The following WIZ variants were observed in gnomAD, a reference collection of about 807,000 sequenced individuals.
WIZ encodes the protein WIZ zinc finger, also known as protein Wiz.
Under a neutral mutation model 140.2 loss-of-function variants are expected in WIZ, and 25 were observed. The observed-to-expected ratio is 0.18, with a 90% CI of 0.13 to 0.25. The LOEUF is 0.25. Ranked by LOEUF, WIZ falls within the 10% of genes least tolerant of loss-of-function variation. The probability of loss-of-function intolerance (pLI) is 1.00; values close to 1 mark genes in which losing one functional copy is unlikely to be tolerated. For missense variants in WIZ, 2,231 were observed against 2,632.6 expected, an observed-to-expected ratio of 0.85 and a Z score of 3.34; for synonymous variants, 1,125 against 1,154.3, an observed-to-expected ratio of 0.97 and a Z score of 0.51.
At chr19:15,437,728 T>C (rs1969568659) in intron 4 of WIZ, among the ~76,000 whole-genome samples, 4 of 152,240 alleles carry the variant, frequency 2.6e-5, no homozygotes, top group Admixed American at 2.6e-4. Flanking sequence ...GAGTATTTGA[T>C]TAATAGCCTT....
chr19:15,446,228 G>T (rs997035385), intron 2 of WIZ, among the ~76,000 whole-genome samples: 1 of 152,096 alleles, frequency 6.6e-6, no homozygotes, highest in Non-Finnish European at 1.5e-5. Context: ...TGGGAGTGAG[G>T]ATGCACCTAC....
rs1421865708 is a variant in WIZ, at chr19:15,442,101, C to T, written c.278+575G>A. Among the ~76,000 whole-genome samples the T allele has an allele frequency of 1.3e-5, 2 of 151,660 alleles. No individual in the cohort carries two copies. Among genetic ancestry groups the T allele is most frequent in the South Asian group, 2.1e-4 (1 of 4,814 alleles). On this transcript the variant is annotated intron_variant, in intron 3 of 12. Coordinates refer to ENST00000673675, the MANE Select transcript of WIZ (RefSeq NM_001371589.1). The surrounding 1 kb of genome is among the most constrained non-coding windows in gnomAD (Gnocchi z 5.5). ...ACTGGGGAAGCTGAGGCAGGAGAAT[C>T]GCTTGAACCCAGGAGGTGGAGGTTG...
chr19:15,440,587 C>G lies in WIZ; in HGVS notation c.407G>C (p.Gly136Ala). Reference protein sequence around the residue: ...EHPLVQEAGEGILSERRFEDS... With the variant: ...EHPLVQEAGEAILSERRFEDS... ...CTCGAATCTCCGCTCAGATAGGATG[C>G]CCTCCCCAGCCTCCTGGACAAGGGG... The change falls in exon 4 of 13, where the codon GGC becomes GCC. Residue 136 changes from glycine (G) to alanine (A), a missense_variant. Gly to Ala is a moderately conservative substitution (Grantham distance 60). Transcript: ENST00000673675. The surrounding 1 kb of genome is among the most constrained non-coding windows in gnomAD (Gnocchi z 6.2). The G allele has an allele frequency of 6.5e-7, 1 of 1,536,148 alleles. No homozygotes were observed. Among genetic ancestry groups the G allele is most frequent in the Non-Finnish European group, 8.7e-7 (1 of 1,146,884 alleles).
Position 15,420,597 on chromosome 19 carries a change from G to A in WIZ, c.*2479C>T, listed in dbSNP as rs767405694. ...CCTCAGAGACCACGGCTCAAAAGCT[G>A]AGACTTTGCTGCCTGAGGTGTATTG... On this transcript the variant is annotated 3_prime_UTR_variant, in exon 13 of 13. Coordinates refer to ENST00000673675, the MANE Select transcript of WIZ (RefSeq NM_001371589.1). 4.6e-5 allele frequency: 7 copies of A among 152,214 alleles called. No homozygotes were observed. Among genetic ancestry groups the A allele is most frequent in the Non-Finnish European group, 7.3e-5 (5 of 68,052 alleles). 9.4% of individuals were successfully genotyped at this position (152,214 alleles called of 1,614,324 possible).
At position 15,439,120 on chromosome 19, in the gene WIZ, T is replaced by G. The variant is rs542861356; in HGVS notation, c.1874A>C (p.Asp625Ala). 6 of 1,402,130 alleles carry G rather than the reference T, an allele frequency of 4.3e-6. No homozygotes were observed. The highest frequency in any genetic ancestry group is 2.9e-5 in the African/African-American group (2 of 68,314). 86.9% of individuals were successfully genotyped at this position (1,402,130 alleles called of 1,614,324 possible). The change falls in exon 4 of 13, where the codon GAT becomes GCT. Residue 625 changes from aspartate (D) to alanine (A), a missense_variant. Asp to Ala is a moderately radical substitution (Grantham distance 126). Transcript: ENST00000673675. The surrounding 1 kb of genome is among the most constrained non-coding windows in gnomAD (Gnocchi z 7.0). ...ATCCATCTCGGAGGTCAGCACTACA[T>G]CCTCCTCCTCCTCCTCCTCCTCCTC... ...EEEEEEEEEE[D>A]VVLTSEMDFS... is the part of the protein sequence containing the mutation.
In WIZ at chr19:15,424,281, T is replaced by G. The variant is rs1174018678; in HGVS notation, c.5412A>C (p.Gln1804His). ...DLQQKLEEVR[Q>H]PPPRVRPVPS... ...GGACTGGCCGGACTCGGGGTGGGGG[T>G]TGCCGCACCTCCTCCAGCTTCTGCT... The change falls in exon 12 of 13, where the codon CAA becomes CAC. Residue 1804 changes from glutamine to histidine, a missense_variant. Coordinates refer to ENST00000673675, the MANE Select transcript of WIZ (RefSeq NM_001371589.1). The surrounding 1 kb of genome is among the most constrained non-coding windows in gnomAD (Gnocchi z 9.7). The G allele has an allele frequency of 6.3e-7, 1 of 1,589,188 alleles. No homozygotes were observed. Among genetic ancestry groups the G allele is most frequent in the Non-Finnish European group, 8.5e-7 (1 of 1,170,822 alleles).
intron 3 of WIZ, among the ~76,000 whole-genome samples, chr19:15,441,547 A>G (rs1969746101): frequency 6.6e-6 from 1 of 152,200 alleles, no homozygotes; most frequent in African/African-American, 2.4e-5. Flanking sequence ...TCAGTGCTTG[A>G]GAAATGCTTT....
rs994694353 is a variant in WIZ, at chr19:15,428,683, C to G, written c.3416-175G>C. Among the ~76,000 whole-genome samples the G allele has an allele frequency of 6.6e-6, 1 of 152,172 alleles. No homozygotes were observed. The highest frequency in any genetic ancestry group is 2.4e-5 in the African/African-American group (1 of 41,430). Reference sequence around the variant, plus strand: ...GCAGGACATCCTGTTTCCTGCCTAGCCCTTTGGCATCGAGGGGAGTGTAGA... The same window carrying G: ...GCAGGACATCCTGTTTCCTGCCTAGGCCTTTGGCATCGAGGGGAGTGTAGA... On this transcript the variant is annotated intron_variant, in intron 7 of 12. Transcript: ENST00000673675. The surrounding 1 kb of genome is among the most constrained non-coding windows in gnomAD (Gnocchi z 6.4).
intron 5 of WIZ, 71 bp downstream of exon 5, chr19:15,436,735 G>C: frequency 1.4e-6 from 2 of 1,428,960 alleles, no homozygotes. Flanking sequence ...TGCCCCTCCA[G>C]CCCCGCCCCT....
At chr19:15,444,042 A>G (rs1017285917) in intron 2 of WIZ, among the ~76,000 whole-genome samples, 3 of 152,208 alleles carry the variant, frequency 2.0e-5, no homozygotes, top group Non-Finnish European at 4.4e-5. Flanking sequence ...ATCGGGGAGC[A>G]GGCCAATTGC....
Position 15,437,029 on chromosome 19 carries a change from G to C in WIZ, c.2517C>G (p.His839Gln). 1 of 1,613,864 alleles carries C rather than the reference G, an allele frequency of 6.2e-7. No homozygotes were observed. Among genetic ancestry groups the C allele is most frequent in the South Asian group, 1.1e-5 (1 of 91,054 alleles). Residue 839 changes from histidine to glutamine, a missense_variant, in exon 5 of 13, where the codon CAC (histidine) becomes CAG (glutamine). Coordinates refer to ENST00000673675, the MANE Select transcript of WIZ (RefSeq NM_001371589.1). ...AGTTGGTGATACCGAAGTCACGTAG[G>C]TGGGCCCGGGCGTGGCTGGAGAGGC... is the stretch of plus-strand genomic sequence containing the variant. ...RAGLSSHARAHLRDFGITNWE... is the reference protein window; with the variant it reads ...RAGLSSHARAQLRDFGITNWE...
chr19:15,448,040 T>A, intron 2 of WIZ, 63 bp downstream of exon 2: 1 of 1,583,180 alleles, frequency 6.3e-7, no homozygotes, highest in Non-Finnish European at 8.6e-7. Flanking sequence ...GTGACTTGAC[T>A]CTCTCTGAGC....
At position 15,425,511 on chromosome 19, in the gene WIZ, G is replaced by C. The variant is rs1467158865; in HGVS notation, c.4624C>G (p.Pro1542Ala). ...LAEDGPPTVA[P>A]GPVQSPLPLS... ...GGCAGTGGGGACTGCACGGGCCCAGGGGCCACGGTGGGAGGCCCGTCCTCA... is the reference window on the plus strand; with the variant it reads ...GGCAGTGGGGACTGCACGGGCCCAGCGGCCACGGTGGGAGGCCCGTCCTCA... The change falls in exon 10 of 13, where the codon CCT (proline) becomes GCT (alanine). Residue 1542 changes from proline (P) to alanine (A), a missense_variant. Coordinates refer to ENST00000673675, the MANE Select transcript of WIZ (RefSeq NM_001371589.1). 1 of 1,610,738 alleles carries C rather than the reference G, an allele frequency of 6.2e-7. No individual in the cohort carries two copies. The highest frequency in any genetic ancestry group is 1.3e-5 in the African/African-American group (1 of 74,834).
intron 5 of WIZ, chr19:15,432,498 CGGCGGT>C (rs1187158699): frequency 3.0e-5 from 27 of 893,840 alleles, no homozygotes; most frequent in South Asian, 2.6e-4. Flanking sequence ...CGTCCCGCGG[CGGCGGT>C]GGCGGTGGCG....
intron 4 of WIZ, 27 bp downstream of exon 4, chr19:15,438,551 G>A: frequency 6.8e-7 from 1 of 1,475,580 alleles, no homozygotes. Flanking sequence ...TGTGTCTCCT[G>A]GGCCTTTAAA....
Position 15,424,720 on chromosome 19 carries a change from T to C in WIZ, c.5207A>G (p.Glu1736Gly), listed in dbSNP as rs1599646050. Residue 1736 changes from glutamate (E) to glycine (G), a missense_variant, in exon 11 of 13, where the codon GAG (glutamate) becomes GGG (glycine). Around this residue, in one of 15 missense-constraint regions of WIZ, gnomAD observed 299 missense variants for 309.6 expected, o/e 0.97. Transcript: ENST00000673675. The surrounding 1 kb of genome is among the most constrained non-coding windows in gnomAD (Gnocchi z 9.7). ...TGCCCGGCCAGCCTCGGGCCCTGGCTCCCCTCCGGCACTGCGGCCGACCAC... is the reference window on the plus strand; with the variant it reads ...TGCCCGGCCAGCCTCGGGCCCTGGCCCCCCTCCGGCACTGCGGCCGACCAC... Reference protein sequence around the residue: ...LAVVGRSAGGEPGPEAGRAAD... With the variant: ...LAVVGRSAGGGPGPEAGRAAD... The C allele has an allele frequency of 6.3e-7, 1 of 1,577,978 alleles. No individual in the cohort carries two copies. The highest frequency in any genetic ancestry group is 8.6e-7 in the Non-Finnish European group (1 of 1,168,006).
chr19:15,436,901 G>A lies in WIZ; in HGVS notation c.2645C>T (p.Pro882Leu). 1 of 1,612,806 alleles carries A rather than the reference G, an allele frequency of 6.2e-7. No homozygotes were observed. Among genetic ancestry groups the A allele is most frequent in the Admixed American group, 1.7e-5 (1 of 59,734 alleles). The change falls in exon 5 of 13, where the codon CCT (proline) becomes CTT (leucine). Residue 882 changes from proline (P) to leucine (L), a missense_variant. Physicochemically the swap from Pro to Leu is moderately conservative, Grantham distance 98. Around this residue, in one of 15 missense-constraint regions of WIZ, gnomAD observed 137 missense variants for 135.8 expected, o/e 1.01. Coordinates refer to ENST00000673675, the MANE Select transcript of WIZ (RefSeq NM_001371589.1). ...CCGACGGGAGGTCAGGAAGCTGCCA[G>A]GCGGACCCCCAGGCTCTCGGCCCAG... Reference protein sequence around the residue: ...SPLGREPGGPPGSFLTSRRPR... With the variant: ...SPLGREPGGPLGSFLTSRRPR...
chr19:15,430,119 A>G, intron 6 of WIZ, 30 bp from the exon 7 acceptor site: 2 of 1,481,754 alleles, frequency 1.3e-6, no homozygotes, highest in South Asian at 2.6e-5. Context: ...CCGGGAGAGC[A>G]GGCTGTGAGG....
chr19:15,443,273 T>C (rs1969807835), intron 2 of WIZ, among the ~76,000 whole-genome samples: 2 of 152,230 alleles, frequency 1.3e-5, no homozygotes, highest in Non-Finnish European at 2.9e-5. Flanking sequence ...CGTTTCGCCA[T>C]GTTGGCCAGG....
Sources: gnomAD v4.1 joint callset for allele counts (sites outside exome capture counted in the v4.1 genomes callset) on GRCh38, gnomAD v4.1.1 for gene constraint, gnomAD v4.1.1 regional missense constraint, Gnocchi (gnomAD v3.1) non-coding constraint, MANE v1.5 for transcripts, NCBI Gene and HGNC (gene_info 2026-07-23, HGNC 2026-07-21) for gene names.